The following ZFPM2 variants were observed in gnomAD, a reference collection of about 807,000 sequenced individuals.
ZFPM2 encodes the protein zinc finger protein, FOG family member 2.
ZFPM2 carries 20 observed loss-of-function variants against 98.6 expected under a neutral mutation model. That is an observed-to-expected ratio of 0.20 (90% CI 0.14 to 0.29). The LOEUF (loss-of-function observed/expected upper bound fraction) is 0.29. Ranked by LOEUF, ZFPM2 falls within the 10% of genes least tolerant of loss-of-function variation. The pLI, the probability that ZFPM2 is intolerant of heterozygous loss-of-function variation, is 1.00. For synonymous variants in ZFPM2, 518 were observed against 502.7 expected, an observed-to-expected ratio of 1.03 and a Z score of -0.41; for missense variants, 1,310 against 1,388.6, an observed-to-expected ratio of 0.94 and a Z score of 0.90.
At chr8:105,380,026 T>C (rs759267122) in intron 1 of ZFPM2, among the ~76,000 whole-genome samples, 2 of 152,162 alleles carry the variant, frequency 1.3e-5, no homozygotes, top group Admixed American at 6.6e-5. Flanking sequence ...TGCTCCGTTA[T>C]ATAGAAATTC....
chr8:105,602,145 G>C (rs1816106029), intron 4 of ZFPM2, among the ~76,000 whole-genome samples: 1 of 152,068 alleles, frequency 6.6e-6, no homozygotes, highest in Admixed American at 6.6e-5. Flanking sequence ...CTAAGGAAAA[G>C]ACTTACTGTC....
At chr8:105,418,788 T>G (rs1444743434) in intron 1 of ZFPM2, 1 of 514,414 alleles carries the variant, frequency 1.9e-6, no homozygotes, top group Admixed American at 2.1e-5. Context: ...AAGAGACTTG[T>G]ACTCTTTACC....
chr8:105,788,582 T>C (rs751248634), intron 5 of ZFPM2, 136 bp from the exon 6 acceptor site: 21 of 801,698 alleles, frequency 2.6e-5, no homozygotes, highest in Non-Finnish European at 3.7e-5. Context: ...AACACAGCTG[T>C]TGCCTTGATC....
chr8:105,472,986 C>G (rs1475591958), intron 3 of ZFPM2, among the ~76,000 whole-genome samples: 2 of 150,782 alleles, frequency 1.3e-5, no homozygotes, highest in Non-Finnish European at 2.9e-5. Context: ...GCCTGGAACC[C>G]TGGGCTAATG....
At chr8:105,793,112 A>G (rs1216135173) in intron 6 of ZFPM2, among the ~76,000 whole-genome samples, 1 of 151,510 alleles carries the variant, frequency 6.6e-6, no homozygotes, top group East Asian at 2.0e-4. Flanking sequence ...TTTTGTGTGA[A>G]TTTGAACCTG....
chr8:105,323,919 A>C (rs1160069837), intron 1 of ZFPM2, among the ~76,000 whole-genome samples: 2 of 151,916 alleles, frequency 1.3e-5, no homozygotes, highest in Non-Finnish European at 3.0e-5. Flanking sequence ...AAAGTAGTTC[A>C]TTTGTAAAAT....
chr8:105,793,277 C>A (rs1334840900), intron 6 of ZFPM2, among the ~76,000 whole-genome samples: 5 of 151,702 alleles, frequency 3.3e-5, no homozygotes, highest in Non-Finnish European at 7.4e-5. Context: ...TTAGGGCAGG[C>A]CTGGTGGTGA....
chr8:105,476,190 G>A (rs777197178), intron 3 of ZFPM2, among the ~76,000 whole-genome samples: 17 of 152,128 alleles, frequency 1.1e-4, no homozygotes, highest in South Asian at 2.1e-4. Context: ...TTACTCTCCC[G>A]TAGTCCACTG....
chr8:105,702,807 A>C (rs1338834368), intron 5 of ZFPM2, among the ~76,000 whole-genome samples: 2 of 152,220 alleles, frequency 1.3e-5, no homozygotes, highest in Non-Finnish European at 2.9e-5. Flanking sequence ...TTTGACAACC[A>C]GATCAGCAGC....
At chr8:105,402,429 A>G (rs1811357957) in intron 1 of ZFPM2, among the ~76,000 whole-genome samples, 2 of 152,012 alleles carry the variant, frequency 1.3e-5, no homozygotes, top group African/African-American at 4.8e-5. Context: ...CAGGAATCCT[A>G]TTCAATGGTA....
At position 105,527,911 on chromosome 8, in the gene ZFPM2, CTTCT is replaced by C. The variant is rs781502174; in HGVS notation, c.302-33449_302-33446del. Among the ~76,000 whole-genome samples the C allele has an allele frequency of 2.6e-5, 4 of 152,294 alleles. No individual in the cohort carries two copies. In the South Asian group the frequency reaches 8.3e-4, roughly 32 times the overall value. ...GGATCTTAAAAATCAGCTAATCCAACTTCTTTATTTCCAGTTTCATGGCTTTAGA... is the reference window on the plus strand; with the variant it reads ...GGATCTTAAAAATCAGCTAATCCAACTTATTTCCAGTTTCATGGCTTTAGA... On this transcript the variant is annotated intron_variant, in intron 3 of 7. Coordinates refer to ENST00000407775, the MANE Select transcript of ZFPM2 (RefSeq NM_012082.4).
chr8:105,758,237 G>C (rs1315521524), intron 5 of ZFPM2, among the ~76,000 whole-genome samples: 3 of 152,072 alleles, frequency 2.0e-5, no homozygotes, highest in Non-Finnish European at 4.4e-5. Flanking sequence ...CACTGGCTCT[G>C]GTGGGAGCAT....
chr8:105,658,309 C>CATCACTAGATTTTCCTGTACCTT (rs1586178875), intron 5 of ZFPM2, among the ~76,000 whole-genome samples: 5 of 121,284 alleles, frequency 4.1e-5, no homozygotes, highest in Admixed American at 8.2e-5. Context: ...AAGCAGACGG[C>CATCACTAGATTTTCCTGTACCTT]CGGGCGCGGT....
intron 5 of ZFPM2, among the ~76,000 whole-genome samples, chr8:105,670,267 C>T (rs879502847): frequency 3.3e-5 from 5 of 152,010 alleles, no homozygotes; most frequent in East Asian, 3.9e-4. Context: ...GAGGCCAAGG[C>T]GGGCGGGTCA....
rs535959559 is a variant in ZFPM2 at position 105,479,631 on chromosome 8, G to A, written c.301+35250G>A. Among the ~76,000 whole-genome samples the A allele has an allele frequency of 3.5e-4, 53 of 152,274 alleles. No homozygotes were observed. The Middle Eastern group carries it at 0.017, about 49-fold the overall frequency. On this transcript the variant is annotated intron_variant, in intron 3 of 7. Coordinates refer to ENST00000407775, the MANE Select transcript of ZFPM2 (RefSeq NM_012082.4). The stretch of plus-strand genomic sequence containing the variant: ...AGGAGTCAGCCATTATAAACAAGGA[G>A]GAAATTGTTGGAAAAACTTGTTGCA...
intron 1 of ZFPM2, among the ~76,000 whole-genome samples, chr8:105,356,255 CT>C (rs2129735717): frequency 6.6e-6 from 1 of 152,332 alleles, no homozygotes; most frequent in African/African-American, 2.4e-5. Flanking sequence ...TTCATGACTG[CT>C]TTAGAAGGCC....
intron 5 of ZFPM2, among the ~76,000 whole-genome samples, chr8:105,657,291 A>G (rs1360470273): frequency 6.6e-6 from 1 of 152,106 alleles, no homozygotes; most frequent in East Asian, 1.9e-4. Context: ...GGCGCCTGCC[A>G]CCACACCTGG....
chr8:105,704,355 C>T (rs186904666), intron 5 of ZFPM2, among the ~76,000 whole-genome samples: 88 of 152,250 alleles, frequency 5.8e-4, no homozygotes, highest in African/African-American at 1.8e-3. Flanking sequence ...TAAAGACTGA[C>T]GCTGTCTGAA....
At chr8:105,405,384 C>T (rs1811426611) in intron 1 of ZFPM2, among the ~76,000 whole-genome samples, 1 of 151,374 alleles carries the variant, frequency 6.6e-6, no homozygotes. Context: ...CACCCATTAA[C>T]TCGTCATTTA....
Sources: allele counts gnomAD v4.1 joint callset (sites outside exome capture counted in the v4.1 genomes callset), GRCh38; gene constraint gnomAD v4.1.1; transcripts MANE v1.5; gene names NCBI Gene and HGNC (gene_info 2026-07-23, HGNC 2026-07-21).